Variants in TNFSF11 observed in about 807,000 individuals in gnomAD.
TNFSF11 encodes tumor necrosis factor ligand superfamily member 11.
In TNFSF11, 12 loss-of-function variants were observed where a neutral mutation model predicts 32.2. The observed-to-expected ratio is 0.37, with a 90% CI of 0.24 to 0.60. The LOEUF (loss-of-function observed/expected upper bound fraction) is 0.60. TNFSF11 is among the 20% of genes least tolerant of loss of function. The pLI is 0.66. For synonymous variants in TNFSF11, 172 were observed against 152.1 expected, an observed-to-expected ratio of 1.13 and a Z score of -0.96; for missense variants, 345 against 398.0, an observed-to-expected ratio of 0.87 and a Z score of 1.13.
intron 1 of TNFSF11, among the ~76,000 whole-genome samples, chr13:42,580,286 G>A (rs1230399537): frequency 6.6e-6 from 1 of 152,172 alleles, no homozygotes; most frequent in African/African-American, 2.4e-5. Context: ...AAAGAGTAGT[G>A]ATTAAAGATA....
At chr13:42,580,959 A>C (rs1873575228) in intron 1 of TNFSF11, among the ~76,000 whole-genome samples, 167 bp from the exon 2 acceptor site, 1 of 152,252 alleles carries the variant, frequency 6.6e-6, no homozygotes, top group African/African-American at 2.4e-5. Flanking sequence ...CAAATGAATT[A>C]GAAGTCAACG....
chr13:42,575,981 G>A (rs541867957), intron 1 of TNFSF11, among the ~76,000 whole-genome samples: 1 of 152,342 alleles, frequency 6.6e-6, no homozygotes, highest in East Asian at 1.9e-4. Flanking sequence ...CACCTGCGAT[G>A]GAATGAGTTA....
chr13:42,562,769 C>T (rs1233807640), exon 1 of TNFSF11: 9 of 152,192 alleles, frequency 5.9e-5, no homozygotes, highest in Non-Finnish European at 8.8e-5. Context: ...AGCTGCCTCT[C>T]TGGTGGCATA....
intron 1 of TNFSF11, among the ~76,000 whole-genome samples, chr13:42,566,240 T>G (rs943698713): frequency 2.0e-4 from 30 of 152,164 alleles, no homozygotes; most frequent in Non-Finnish European, 3.8e-4. Flanking sequence ...CCATGAGAGA[T>G]CCCCAGTCCT....
intron 4 of TNFSF11, among the ~76,000 whole-genome samples, chr13:42,603,033 T>C (rs9533166): frequency 0.24 from 36,548 of 152,090 alleles, 5,268 homozygotes; most frequent in South Asian, 0.42. Context: ...AAAATAGAAT[T>C]TGTGGCTCTG....
chr13:42,576,354 G>A (rs1485131522), intron 1 of TNFSF11, among the ~76,000 whole-genome samples: 1 of 152,058 alleles, frequency 6.6e-6, no homozygotes, highest in African/African-American at 2.4e-5. Flanking sequence ...AGGAATTCTC[G>A]GTGGTCCCCG....
At chr13:42,586,517 T>A (rs1200343474) in intron 2 of TNFSF11, among the ~76,000 whole-genome samples, 1 of 152,208 alleles carries the variant, frequency 6.6e-6, no homozygotes, top group Non-Finnish European at 1.5e-5. Flanking sequence ...TACCCCCAGC[T>A]GGCCCTCTCA....
chr13:42,564,567 CAA>C (rs539979463), intron 1 of TNFSF11, among the ~76,000 whole-genome samples: 6 of 126,984 alleles, frequency 4.7e-5, no homozygotes, highest in Non-Finnish European at 1.7e-5. Context: ...AACTCCATTT[CAA>C]AAAAAAAAAA....
At position 42,584,050 on chromosome 13, in the gene TNFSF11, AAAAAT is replaced by A. The variant is rs1314285434; in HGVS notation, c.387+2761_387+2765del. ...TTCACTCATAATTTTTAAATGCTCT[AAAAAT>A]AAACATAACAAGAAATGTACAAGGC... is the stretch of plus-strand genomic sequence containing the variant. On this transcript the variant is annotated intron_variant, in intron 2 of 4. Coordinates refer to ENST00000398795, the MANE Select transcript of TNFSF11 (RefSeq NM_003701.4). 3.3e-5 allele frequency among the ~76,000 whole-genome samples: 5 copies of A among 152,214 alleles called. 1 individual carries two copies. The highest frequency in any genetic ancestry group is 2.6e-4 in the Admixed American group (4 of 15,286).
chr13:42,590,728 G>A (rs538705326), intron 2 of TNFSF11, among the ~76,000 whole-genome samples: 109 of 152,216 alleles, frequency 7.2e-4, no homozygotes, highest in Non-Finnish European at 1.3e-3. Flanking sequence ...TTTGAAAATC[G>A]GGCTCTTTAT....
At chr13:42,588,731 G>A (rs891980962) in intron 2 of TNFSF11, among the ~76,000 whole-genome samples, 1 of 152,182 alleles carries the variant, frequency 6.6e-6, no homozygotes, top group African/African-American at 2.4e-5. Flanking sequence ...TGATTTGGCA[G>A]TTCAGGGGTG....
At chr13:42,585,535 C>A (rs563438212) in intron 2 of TNFSF11, among the ~76,000 whole-genome samples, 1 of 152,288 alleles carries the variant, frequency 6.6e-6, no homozygotes, top group Admixed American at 6.5e-5. Context: ...CCCTACCAAC[C>A]ACAATTTATA....
At chr13:42,597,767 G>A (rs1868902562) in intron 2 of TNFSF11, among the ~76,000 whole-genome samples, 1 of 152,242 alleles carries the variant, frequency 6.6e-6, no homozygotes. Context: ...CCCTCCAGGA[G>A]GTGGTGGTGC....
chr13:42,602,635 TTTTCTCTG>T (rs1566389302), intron 4 of TNFSF11, among the ~76,000 whole-genome samples: 1 of 152,220 alleles, frequency 6.6e-6, no homozygotes, highest in Non-Finnish European at 1.5e-5. Flanking sequence ...GCTACACTAA[TTTTCTCTG>T]AGTGGAAAAC....
chr13:42,574,535 C>T lies in TNFSF11; in HGVS notation c.219+13C>T. ...TTTCAGAGCGCAGGTGAGTGGCCACCTTCCCAGGGGATCGCGGCTGAGAGC... is the reference window on the plus strand; with the variant it reads ...TTTCAGAGCGCAGGTGAGTGGCCACTTTCCCAGGGGATCGCGGCTGAGAGC... On this transcript the variant is annotated intron_variant, in intron 1 of 4. Transcript: ENST00000398795. The T allele has an allele frequency of 6.2e-7, 1 of 1,604,688 alleles. No homozygotes were observed. Among genetic ancestry groups the T allele is most frequent in the Non-Finnish European group, 8.5e-7 (1 of 1,179,328 alleles).
intron 1 of TNFSF11, among the ~76,000 whole-genome samples, chr13:42,564,296 G>A (rs573676265): frequency 1.3e-5 from 2 of 152,002 alleles, no homozygotes; most frequent in Non-Finnish European, 2.9e-5. Flanking sequence ...GGCTGGGCAC[G>A]GTGGCTCACA....
Position 42,594,031 on chromosome 13 carries a change from C to A in TNFSF11, c.388-6721C>A, listed in dbSNP as rs371567883. ...ACTTGACCTTTTCAGAATATCTTTGCAGCTGAGAATGTTCTCAGTTGGAGC... is the reference window on the plus strand; with the variant it reads ...ACTTGACCTTTTCAGAATATCTTTGAAGCTGAGAATGTTCTCAGTTGGAGC... On this transcript the variant is annotated intron_variant, in intron 2 of 4. Transcript: ENST00000398795. Among the ~76,000 whole-genome samples the A allele has an allele frequency of 3.9e-5, 6 of 152,168 alleles. No individual in the cohort carries two copies. In the South Asian group the frequency reaches 6.2e-4, roughly 16 times the overall value.
chr13:42,601,458 C>G (rs922032616), intron 4 of TNFSF11, among the ~76,000 whole-genome samples: 1 of 152,188 alleles, frequency 6.6e-6, no homozygotes, highest in Non-Finnish European at 1.5e-5. Context: ...CCTCCCCCTT[C>G]TCCAAGGGCT....
intron 2 of TNFSF11, among the ~76,000 whole-genome samples, chr13:42,567,504 G>GA (rs1343249178): frequency 1.3e-5 from 2 of 152,056 alleles, no homozygotes; most frequent in Non-Finnish European, 2.9e-5. Flanking sequence ...TTTGCCATTA[G>GA]AAATGCACTC....
Sources: allele counts gnomAD v4.1 joint callset (sites outside exome capture counted in the v4.1 genomes callset), GRCh38; gene constraint gnomAD v4.1.1; transcripts MANE v1.5; gene names NCBI Gene and HGNC (gene_info 2026-07-23, HGNC 2026-07-21).